RPS6KA6: variants seen among roughly 807,000 people sequenced by gnomAD.
RPS6KA6 encodes ribosomal protein S6 kinase A6.
A neutral mutation model predicts 65.4 loss-of-function variants in RPS6KA6; 27 were observed. The ratio of observed to expected loss-of-function variants is 0.41; its 90% CI spans 0.30 to 0.57. RPS6KA6 has a LOEUF of 0.57. RPS6KA6 is among the 20% of genes least tolerant of loss of function. The pLI is 0.24. For synonymous variants in RPS6KA6, 190 were observed against 184.2 expected, an observed-to-expected ratio of 1.03 and a Z score of -0.26; for missense variants, 486 against 555.6, an observed-to-expected ratio of 0.87 and a Z score of 1.26.
rs189405572 is a variant in RPS6KA6, at chrX:84,087,502, T to C, written c.1971+8692A>G. Among the ~76,000 whole-genome samples the C allele has an allele frequency of 8.8e-3, 984 of 112,090 alleles. 9 individuals carry two copies. Among genetic ancestry groups the C allele is most frequent in the Non-Finnish European group, 0.013 (700 of 53,198 alleles). On this transcript the variant is annotated intron_variant, in intron 20 of 21. Transcript: ENST00000262752. Reference sequence around the variant, plus strand: ...TTGGCCCCCAAGCTCTTTTGGCTTGTAGGGTTTCCACAGAGAGGTCAGCTG... The same window carrying C: ...TTGGCCCCCAAGCTCTTTTGGCTTGCAGGGTTTCCACAGAGAGGTCAGCTG...
chrX:84,058,895 T>G lies in RPS6KA6; in HGVS notation c.*5382A>C, dbSNP rs2033251508. 9.1e-6 allele frequency: 1 copy of G among 109,455 alleles called. No homozygotes were observed. The highest frequency in any genetic ancestry group is 3.3e-5 in the African/African-American group (1 of 30,206). 9.0% of individuals were successfully genotyped at this position (109,455 alleles called of 1,213,427 possible). A position where few individuals can be genotyped will look rare whatever the true frequency, so the allele number is the denominator to read the frequency against. The stretch of plus-strand genomic sequence containing the variant: ...GTTGGCAAACCAATTTTTTAAAAAA[T>G]GTGGCTATAGCAAACTGTGGTTGCT... On this transcript the variant is annotated 3_prime_UTR_variant, in exon 22 of 22. Transcript: ENST00000262752.
intron 6 of RPS6KA6, among the ~76,000 whole-genome samples, chrX:84,140,021 A>G (rs988062259): frequency 8.9e-6 from 1 of 111,855 alleles, no homozygotes; most frequent in Non-Finnish European, 1.9e-5. Flanking sequence ...AGAGAAGAGA[A>G]AATTGCACAA....
rs1235799629 is a variant in RPS6KA6 at position 84,061,694 on chromosome X, T to C, written c.*2583A>G. ...CAATATCCTCCCCCTTCAAGAACAA[T>C]AAAACCCCAAACTGTGCTATCATTA... On this transcript the variant is annotated 3_prime_UTR_variant, in exon 22 of 22. Transcript: ENST00000262752. 9.1e-6 allele frequency: 1 copy of C among 109,934 alleles called. No homozygotes were observed. The highest frequency in any genetic ancestry group is 1.9e-5 in the Non-Finnish European group (1 of 52,510). 9.1% of individuals were successfully genotyped at this position (109,934 alleles called of 1,213,427 possible). A position where few individuals can be genotyped will look rare whatever the true frequency, so the allele number is the denominator to read the frequency against.
chrX:84,177,536 T>G (rs2035790584), intron 1 of RPS6KA6, among the ~76,000 whole-genome samples: 1 of 111,575 alleles, frequency 9.0e-6, no homozygotes, highest in African/African-American at 3.3e-5. Flanking sequence ...TATTCTGAAT[T>G]TGTAAAGAAT....
At chrX:84,095,608 A>G (rs1352404486) in intron 20 of RPS6KA6, among the ~76,000 whole-genome samples, 1 of 86,134 alleles carries the variant, frequency 1.2e-5, no homozygotes, top group Non-Finnish European at 2.6e-5. Context: ...AAATTTTTAT[A>G]TTGAATAGTA....
chrX:84,141,870 A>G (rs189020373), intron 6 of RPS6KA6, among the ~76,000 whole-genome samples: 36 of 111,798 alleles, frequency 3.2e-4, no homozygotes, highest in African/African-American at 1.2e-3. Flanking sequence ...ACTTTGAAAT[A>G]TATGAAACAA....
chrX:84,154,972 G>A (rs1405404621), intron 3 of RPS6KA6, among the ~76,000 whole-genome samples: 2 of 111,386 alleles, frequency 1.8e-5, no homozygotes, highest in Non-Finnish European at 3.8e-5. Context: ...GGCTAACGTG[G>A]GAAGATCACT....
chrX:84,127,516 C>CA (rs2034818416), intron 8 of RPS6KA6, among the ~76,000 whole-genome samples: 1 of 110,761 alleles, frequency 9.0e-6, no homozygotes, highest in Non-Finnish European at 1.9e-5. Context: ...GATAAGACAA[C>CA]AAAAAACTAC....
chrX:84,172,263 G>C (rs1201078862), intron 1 of RPS6KA6, among the ~76,000 whole-genome samples: 1 of 111,293 alleles, frequency 9.0e-6, no homozygotes, highest in Non-Finnish European at 1.9e-5. Context: ...CCCATTAATG[G>C]GATTGCTAGA....
Position 84,079,957 on chromosome X carries a change from C to T in RPS6KA6, c.1972-14846G>A, listed in dbSNP as rs143915098. ...CTGAAGAGAGCAGTGGATCTCCCAGCGCAGCGCTCGAGCTCTACTAAGGGA... is the reference window on the plus strand; with the variant it reads ...CTGAAGAGAGCAGTGGATCTCCCAGTGCAGCGCTCGAGCTCTACTAAGGGA... On this transcript the variant is annotated intron_variant, in intron 20 of 21. Transcript: ENST00000262752. Among the ~76,000 whole-genome samples the T allele has an allele frequency of 7.5e-4, 84 of 112,012 alleles. 1 individual carries two copies. The East Asian group carries it at 0.018, about 24-fold the overall frequency.
At chrX:84,070,729 T>C (rs112730775) in intron 20 of RPS6KA6, among the ~76,000 whole-genome samples, 4 of 110,662 alleles carry the variant, frequency 3.6e-5, no homozygotes, top group South Asian at 7.6e-4. Flanking sequence ...TCAAAAGCCA[T>C]ACTGGGGAAA....
intron 18 of RPS6KA6, among the ~76,000 whole-genome samples, chrX:84,098,055 CTTAAGA>C (rs2034190801): frequency 9.0e-6 from 1 of 111,065 alleles, no homozygotes; most frequent in Non-Finnish European, 1.9e-5. Flanking sequence ...GAAATCTAAA[CTTAAGA>C]TTAACATGTA....
At chrX:84,082,338 T>G (rs1327309104) in intron 20 of RPS6KA6, among the ~76,000 whole-genome samples, 1 of 111,467 alleles carries the variant, frequency 9.0e-6, no homozygotes, top group Non-Finnish European at 1.9e-5. Context: ...GGGGAACTCC[T>G]ATTCACATTT....
chrX:84,155,058 T>C (rs2035393044), intron 3 of RPS6KA6, among the ~76,000 whole-genome samples: 1 of 109,452 alleles, frequency 9.1e-6, no homozygotes, highest in African/African-American at 3.3e-5. Flanking sequence ...TTTAATTAGC[T>C]GGGTGTGGTG....
At chrX:84,065,917 C>T (rs1174544246) in intron 20 of RPS6KA6, among the ~76,000 whole-genome samples, 4 of 111,154 alleles carry the variant, frequency 3.6e-5, no homozygotes, top group African/African-American at 9.8e-5. Flanking sequence ...ACTGAGGTAC[C>T]CAGTTCGTCT....
intron 8 of RPS6KA6, among the ~76,000 whole-genome samples, chrX:84,122,201 G>T (rs2034683563): frequency 9.0e-6 from 1 of 110,937 alleles, no homozygotes; most frequent in Non-Finnish European, 1.9e-5. Context: ...CCCAGCAGCA[G>T]CCATGCAGTG....
intron 12 of RPS6KA6, among the ~76,000 whole-genome samples, chrX:84,110,706 T>C (rs1489991010): frequency 2.7e-5 from 3 of 111,094 alleles, no homozygotes; most frequent in African/African-American, 6.6e-5. Context: ...GTGAACCACG[T>C]CCACATGAAA....
intron 20 of RPS6KA6, among the ~76,000 whole-genome samples, chrX:84,070,443 T>C (rs2147331473): frequency 9.1e-6 from 1 of 110,164 alleles, no homozygotes; most frequent in Non-Finnish European, 1.9e-5. Context: ...ACCTAATGCT[T>C]GCGGGGCTTA....
Position 84,089,136 on chromosome X carries a change from G to A in RPS6KA6, c.1971+7058C>T, listed in dbSNP as rs776075026. On this transcript the variant is annotated intron_variant, in intron 20 of 21. Transcript: ENST00000262752. ...TGTCCAGTGAGGAGAGATGGATTGG[G>A]GTCCCACTCAAAGAAGCAGTCTGGC... Among the ~76,000 whole-genome samples, 3 of 111,633 alleles carry A rather than the reference G, an allele frequency of 2.7e-5. No homozygotes were observed. The South Asian group carries it at 1.1e-3, about 42-fold the overall frequency.
Sources: gnomAD v4.1 joint callset for allele counts (sites outside exome capture counted in the v4.1 genomes callset) on GRCh38, gnomAD v4.1.1 for gene constraint, MANE v1.5 for transcripts, NCBI Gene and HGNC (gene_info 2026-07-23, HGNC 2026-07-21) for gene names.